PDE1C: variants seen among roughly 807,000 people sequenced by gnomAD.
PDE1C encodes dual specificity calcium/calmodulin-dependent 3',5'-cyclic nucleotide phosphodiesterase 1C.
A neutral mutation model predicts 93.1 loss-of-function variants in PDE1C; 62 were observed. The ratio of observed to expected loss-of-function variants is 0.67; its 90% CI spans 0.54 to 0.82. The LOEUF (loss-of-function observed/expected upper bound fraction) is 0.82. Ranked by LOEUF, PDE1C falls within the 40% of genes least tolerant of loss-of-function variation. The probability of loss-of-function intolerance (pLI) is 0.00; values close to 1 mark genes in which losing one functional copy is unlikely to be tolerated. For missense variants in PDE1C, 742 were observed against 884.6 expected (o/e 0.84, Z 2.04); for synonymous variants, 325 against 310.1 (o/e 1.05, Z -0.50).
At chr7:31,819,037 A>G (rs1236906711) in intron 14 of PDE1C, among the ~76,000 whole-genome samples, 4 of 152,152 alleles carry the variant, frequency 2.6e-5, no homozygotes, top group Non-Finnish European at 5.9e-5. Context: ...AACTGTAGCT[A>G]TCGGGCAATT....
chr7:32,197,355 A>G (rs1006083332), intron 2 of PDE1C, among the ~76,000 whole-genome samples: 1 of 152,204 alleles, frequency 6.6e-6, no homozygotes, highest in Non-Finnish European at 1.5e-5. Flanking sequence ...ACAGAAATAT[A>G]AAAGAGTAAA....
intron 2 of PDE1C, among the ~76,000 whole-genome samples, chr7:31,956,356 T>G (rs1280349052): frequency 6.6e-6 from 1 of 152,090 alleles, no homozygotes; most frequent in Non-Finnish European, 1.5e-5. Context: ...CCTCCCAAAG[T>G]GCTGGGATTA....
intron 7 of PDE1C, 84 bp from the exon 8 acceptor site, chr7:31,850,825 C>T (rs563913205): frequency 2.7e-5 from 25 of 916,396 alleles, no homozygotes; most frequent in Non-Finnish European, 4.0e-5. Context: ...ACAGTGCTGC[C>T]TTTCTACCCT....
At chr7:32,108,512 A>G (rs1029038892) in intron 3 of PDE1C, among the ~76,000 whole-genome samples, 2 of 152,048 alleles carry the variant, frequency 1.3e-5, no homozygotes, top group Non-Finnish European at 2.9e-5. Context: ...GGACACAGTA[A>G]AAGTTAAAAG....
chr7:31,681,391 GGATGGATGGAT>G, the PDE1C span, among the ~76,000 whole-genome samples: 2 of 151,058 alleles, frequency 1.3e-5, no homozygotes, highest in Non-Finnish European at 3.0e-5. Flanking sequence ...ATGGATGGAT[GGATGGATGGAT>G]GGATGGATGG....
chr7:31,692,743 CAG>C, the PDE1C span, among the ~76,000 whole-genome samples: 1 of 152,064 alleles, frequency 6.6e-6, no homozygotes, highest in Non-Finnish European at 1.5e-5. Context: ...GTTCATTAGA[CAG>C]AGAGAGAGAA....
intron 2 of PDE1C, among the ~76,000 whole-genome samples, chr7:32,201,716 C>G (rs1057003545): frequency 1.3e-5 from 2 of 152,172 alleles, no homozygotes; most frequent in African/African-American, 4.8e-5. Context: ...AGGCCAGGAG[C>G]AGCATGGGCA....
At chr7:31,787,392 T>C (rs1784113951) in intron 16 of PDE1C, 1 of 152,168 alleles carries the variant, frequency 6.6e-6, no homozygotes, top group African/African-American at 2.4e-5. Context: ...TCTGCTGCCA[T>C]AAACTATTAG....
At chr7:32,256,493 G>A (rs566698495) in intron 1 of PDE1C, among the ~76,000 whole-genome samples, 1 of 152,274 alleles carries the variant, frequency 6.6e-6, no homozygotes, top group Admixed American at 6.5e-5. Context: ...GGGCCTAATG[G>A]CAGCCAGCTC....
chr7:32,112,858 A>G (rs1263906120), intron 3 of PDE1C, among the ~76,000 whole-genome samples: 1,139 of 113,188 alleles, frequency 0.01, 26 homozygotes, highest in African/African-American at 0.056. Context: ...ATATATATAT[A>G]TATATATATA....
intron 2 of PDE1C, among the ~76,000 whole-genome samples, chr7:31,907,271 T>G (rs1800718969): frequency 6.6e-6 from 1 of 152,150 alleles, no homozygotes; most frequent in South Asian, 2.1e-4. Flanking sequence ...GATTTCCTCC[T>G]TCCCAAAACA....
At chr7:31,625,430 T>C in the PDE1C span, among the ~76,000 whole-genome samples, 1 of 152,088 alleles carries the variant, frequency 6.6e-6, no homozygotes, top group African/African-American at 2.4e-5. Flanking sequence ...CACCATGGAA[T>C]ACTATGCAGC....
upstream of PDE1C, among the ~76,000 whole-genome samples, chr7:32,299,747 G>C (rs961732030): frequency 5.3e-5 from 8 of 152,196 alleles, no homozygotes; most frequent in Non-Finnish European, 1.0e-4. Flanking sequence ...AAATGACCGA[G>C]TTAGGCAAGG....
intron 2 of PDE1C, among the ~76,000 whole-genome samples, chr7:31,947,139 A>G (rs1211953081): frequency 6.6e-6 from 1 of 152,048 alleles, no homozygotes; most frequent in African/African-American, 2.4e-5. Context: ...GCCATAATCC[A>G]CTGTTATAAT....
chr7:32,391,005 T>C (rs1450855076), intron 1 of PDE1C, among the ~76,000 whole-genome samples: 1 of 151,568 alleles, frequency 6.6e-6, no homozygotes, highest in African/African-American at 2.4e-5. Context: ...AGAAAACAAA[T>C]AGCAAAAATG....
chr7:31,624,103 T>C, the PDE1C span, among the ~76,000 whole-genome samples: 9 of 150,916 alleles, frequency 6.0e-5, no homozygotes, highest in Middle Eastern at 3.4e-3. Flanking sequence ...TACAAACCAC[T>C]GCTCAATGAA....
intron 16 of PDE1C, among the ~76,000 whole-genome samples, chr7:31,782,167 G>T (rs889773728): frequency 5.3e-5 from 8 of 152,120 alleles, no homozygotes; most frequent in African/African-American, 1.9e-4. Flanking sequence ...TAGAGCCACA[G>T]AATAAAATAT....
chr7:31,994,346 T>C (rs1254262779), intron 2 of PDE1C, among the ~76,000 whole-genome samples: 1 of 152,152 alleles, frequency 6.6e-6, no homozygotes, highest in Non-Finnish European at 1.5e-5. Context: ...CATTTCAAAA[T>C]AAAAAGTACC....
intron 3 of PDE1C, among the ~76,000 whole-genome samples, chr7:32,088,255 A>G (rs552546981): frequency 6.6e-6 from 1 of 152,324 alleles, no homozygotes; most frequent in African/African-American, 2.4e-5. Flanking sequence ...CAAGGCAAAA[A>G]GACTTCCGAA....
Sources: gnomAD v4.1 joint callset for allele counts (sites outside exome capture counted in the v4.1 genomes callset) on GRCh38, gnomAD v4.1.1 for gene constraint, MANE v1.5 for transcripts, NCBI Gene and HGNC (gene_info 2026-07-23, HGNC 2026-07-21) for gene names.